Variants in PDE1C observed in about 807,000 individuals in gnomAD.
The protein encoded by PDE1C is dual specificity calcium/calmodulin-dependent 3',5'-cyclic nucleotide phosphodiesterase 1C.
Under a neutral mutation model 93.1 loss-of-function variants are expected in PDE1C, and 62 were observed. The ratio of observed to expected loss-of-function variants is 0.67; its 90% CI spans 0.54 to 0.82. The LOEUF (loss-of-function observed/expected upper bound fraction) is 0.82, where lower values mean the gene tolerates loss of function less well. PDE1C is among the 40% of genes least tolerant of loss of function. PDE1C has a pLI of 0.00. For missense variants in PDE1C, 742 were observed against 884.6 expected (o/e 0.84, Z 2.04); for synonymous variants, 325 against 310.1 (o/e 1.05, Z -0.50).
upstream of PDE1C, among the ~76,000 whole-genome samples, chr7:32,074,344 G>C (rs947831852): frequency 2.0e-5 from 3 of 152,122 alleles, no homozygotes; most frequent in Admixed American, 6.5e-5. Context: ...CAGTTTTTGA[G>C]AACTATCATT....
chr7:31,822,183 G>A (rs2128735988), intron 14 of PDE1C, among the ~76,000 whole-genome samples: 1 of 152,110 alleles, frequency 6.6e-6, no homozygotes, highest in East Asian at 1.9e-4. Flanking sequence ...GGCACAACCT[G>A]GCACACAGTA....
chr7:31,732,838 T>A, the PDE1C span, among the ~76,000 whole-genome samples: 3 of 152,294 alleles, frequency 2.0e-5, no homozygotes, highest in African/African-American at 7.2e-5. Context: ...TTCTTGACAG[T>A]TGTCCTTGGA....
chr7:31,863,045 T>G (rs62455984), intron 7 of PDE1C, among the ~76,000 whole-genome samples: 13,567 of 152,208 alleles, frequency 0.089, 769 homozygotes, highest in East Asian at 0.18. Flanking sequence ...ATAGTATTGC[T>G]TTGAATTTAT....
intron 1 of PDE1C, among the ~76,000 whole-genome samples, chr7:32,249,252 AGAT>A (rs1430396477): frequency 6.6e-6 from 1 of 152,056 alleles, no homozygotes; most frequent in Non-Finnish European, 1.5e-5. Flanking sequence ...CAAACAACCT[AGAT>A]CATGTCACTG....
chr7:31,648,934 A>G, the PDE1C span, among the ~76,000 whole-genome samples: 3 of 152,248 alleles, frequency 2.0e-5, no homozygotes, highest in East Asian at 5.8e-4. Flanking sequence ...TCTATGTCAG[A>G]ACACGTATCT....
intron 7 of PDE1C, among the ~76,000 whole-genome samples, chr7:31,861,423 A>T (rs939494148): frequency 6.6e-6 from 1 of 151,710 alleles, no homozygotes; most frequent in East Asian, 1.9e-4. Context: ...CCTAATCTAC[A>T]TGTTTATCCC....
intron 1 of PDE1C, among the ~76,000 whole-genome samples, chr7:32,290,444 G>T (rs1812261437): frequency 6.6e-6 from 1 of 152,178 alleles, no homozygotes; most frequent in East Asian, 1.9e-4. Flanking sequence ...CAATTAACAG[G>T]CACCTAGAGC....
intron 2 of PDE1C, among the ~76,000 whole-genome samples, chr7:32,193,931 T>TG (rs1804419108): frequency 6.7e-6 from 1 of 149,220 alleles, no homozygotes; most frequent in Non-Finnish European, 1.5e-5. Context: ...TTTTTTTTTT[T>TG]TGAGACGGAG....
At chr7:31,799,606 G>A (rs144143739) in intron 16 of PDE1C, among the ~76,000 whole-genome samples, 2 of 151,720 alleles carry the variant, frequency 1.3e-5, no homozygotes, top group African/African-American at 4.8e-5. Context: ...CATTTCTTCA[G>A]GTGACCACTG....
At chr7:32,272,490 A>G (rs1168612862) in intron 1 of PDE1C, among the ~76,000 whole-genome samples, 2 of 152,248 alleles carry the variant, frequency 1.3e-5, no homozygotes, top group African/African-American at 4.8e-5. Flanking sequence ...ACAAATCAAT[A>G]GAGTCTCAAA....
chr7:32,309,204 G>C (rs1156382380), intron 1 of PDE1C, among the ~76,000 whole-genome samples: 1 of 152,108 alleles, frequency 6.6e-6, no homozygotes, highest in Non-Finnish European at 1.5e-5. Flanking sequence ...AGAGAAAAAA[G>C]AATAAAAAGA....
the PDE1C span, among the ~76,000 whole-genome samples, chr7:31,723,268 G>C: frequency 6.6e-6 from 1 of 152,134 alleles, no homozygotes; most frequent in African/African-American, 2.4e-5. Context: ...GACACCTCTT[G>C]GTTGGTTGGT....
In PDE1C at chr7:32,214,840, C is replaced by T. The variant is rs114630943; in HGVS notation, c.86-5301G>A. 3.3e-3 allele frequency among the ~76,000 whole-genome samples: 502 copies of T among 152,212 alleles called. 1 individual carries two copies. The highest frequency in any genetic ancestry group is 9.9e-3 in the African/African-American group (409 of 41,522). On this transcript the variant is annotated intron_variant, in intron 1 of 18. Coordinates refer to the PDE1C transcript ENST00000396193. ...ATATGTGGATTGAGCACCACCTGGGCGCTGGGCAGTGAACTAGACTCAAGG... is the reference window on the plus strand; with the variant it reads ...ATATGTGGATTGAGCACCACCTGGGTGCTGGGCAGTGAACTAGACTCAAGG...
intron 2 of PDE1C, among the ~76,000 whole-genome samples, chr7:31,987,462 G>T (rs930452872): frequency 6.6e-6 from 1 of 152,052 alleles, no homozygotes; most frequent in African/African-American, 2.4e-5. Context: ...TTCTAAAATG[G>T]CTTATAAAGG....
the PDE1C span, chr7:31,642,397 T>C: frequency 1.5e-6 from 1 of 685,380 alleles, no homozygotes. Flanking sequence ...ATTGGAAAGG[T>C]TGAGAAGGCA....
chr7:31,868,902 GAA>G (rs796112716), intron 6 of PDE1C, among the ~76,000 whole-genome samples: 1 of 136,766 alleles, frequency 7.3e-6, no homozygotes, highest in African/African-American at 2.7e-5. Flanking sequence ...AGTCCTAAAA[GAA>G]AAAAAAAAAA....
At chr7:32,087,331 C>A (rs1401775534) in intron 3 of PDE1C, among the ~76,000 whole-genome samples, 1 of 152,064 alleles carries the variant, frequency 6.6e-6, no homozygotes, top group Non-Finnish European at 1.5e-5. Context: ...GAATGGCAAT[C>A]ATTAAAAAGT....
intron 1 of PDE1C, 23 bp from the exon 2 acceptor site, chr7:32,051,603 A>G: frequency 2.5e-6 from 4 of 1,611,140 alleles, no homozygotes; most frequent in East Asian, 2.2e-5. Context: ...GCATAAACAT[A>G]TATCAGAAAA....
At chr7:32,402,597 T>C (rs1396043705) in intron 1 of PDE1C, among the ~76,000 whole-genome samples, 1 of 152,170 alleles carries the variant, frequency 6.6e-6, no homozygotes, top group African/African-American at 2.4e-5. Flanking sequence ...CTGATTCAAA[T>C]GCCAATCTCT....
Sources: allele counts gnomAD v4.1 joint callset (sites outside exome capture counted in the v4.1 genomes callset), GRCh38; gene constraint gnomAD v4.1.1; transcripts MANE v1.5; gene names NCBI Gene and HGNC (gene_info 2026-07-23, HGNC 2026-07-21).